The following L3MBTL1 variants were observed in gnomAD, a reference collection of about 807,000 sequenced individuals.
The protein encoded by L3MBTL1 is L3MBTL histone methyl-lysine binding protein 1.
L3MBTL1 carries 75 observed loss-of-function variants against 105.3 expected under a neutral mutation model. That is an observed-to-expected ratio of 0.71 (90% CI 0.59 to 0.86). The LOEUF (loss-of-function observed/expected upper bound fraction) is 0.86, where lower values mean the gene tolerates loss of function less well. Among genes scored for constraint, L3MBTL1 ranks in the 40% least tolerant of loss-of-function variants. The pLI is 0.00. For missense variants in L3MBTL1, 1,069 were observed against 1,126.4 expected (o/e 0.95, Z 0.73); for synonymous variants, 452 against 436.2 (o/e 1.04, Z -0.45).
chr20:43,512,305 C>A lies in L3MBTL1; in HGVS notation c.-28-1171C>A, dbSNP rs367555402. Among the ~76,000 whole-genome samples the A allele has an allele frequency of 2.6e-5, 4 of 152,258 alleles. 1 individual carries two copies. The highest frequency in any genetic ancestry group is 9.6e-5 in the African/African-American group (4 of 41,548). On this transcript the variant is annotated intron_variant, in intron 1 of 21. Coordinates refer to ENST00000418998, the MANE Select transcript of L3MBTL1 (RefSeq NM_001377303.1). Reference sequence around the variant, plus strand: ...CCTTCAGTGTGTTTTGGAGGTAGCACTGACAGGCCAATTTTAATACGTCTA... The same window carrying A: ...CCTTCAGTGTGTTTTGGAGGTAGCAATGACAGGCCAATTTTAATACGTCTA...
At chr20:43,530,966 C>A in intron 11 of L3MBTL1, 77 bp downstream of exon 11, 1 of 1,176,034 alleles carries the variant, frequency 8.5e-7, no homozygotes, top group Non-Finnish European at 1.2e-6. Flanking sequence ...GTATCTGACT[C>A]ATCAGAAGGG....
At chr20:43,515,228 G>T in intron 5 of L3MBTL1, 64 bp from the exon 6 acceptor site, 2 of 1,613,474 alleles carry the variant, frequency 1.2e-6, no homozygotes, top group Non-Finnish European at 1.7e-6. Context: ...CTGTTCAGGG[G>T]TTAGGAGAGG....
downstream of L3MBTL1, among the ~76,000 whole-genome samples, chr20:43,543,298 A>T (rs192483589): frequency 6.8e-3 from 1,030 of 152,306 alleles, 3 homozygotes; most frequent in Non-Finnish European, 0.011. Flanking sequence ...AACATGTTTT[A>T]TGAGAAGGCA....
intron 7 of L3MBTL1, among the ~76,000 whole-genome samples, 176 bp downstream of exon 7, chr20:43,516,353 A>C (rs1313613303): frequency 6.6e-6 from 1 of 152,178 alleles, no homozygotes; most frequent in Admixed American, 6.5e-5. Context: ...TTTGTGTATT[A>C]GTGTATGTAT....
chr20:43,530,309 A>C lies in L3MBTL1; in HGVS notation c.1082A>C (p.His361Pro), dbSNP rs759730289. ...AEVCGYRLRLHFDGYSECHDF... is the reference protein window; with the variant it reads ...AEVCGYRLRLPFDGYSECHDF... ...GTATGTGGCTATCGCCTACGCCTGCACTTTGATGGGTATTCTGAGTGCCAT... is the reference window on the plus strand; with the variant it reads ...GTATGTGGCTATCGCCTACGCCTGCCCTTTGATGGGTATTCTGAGTGCCAT... Residue 361 changes from histidine to proline, a missense_variant, in exon 10 of 22, where the codon CAC (histidine) becomes CCC (proline). By Grantham distance (77) the His-to-Pro change is moderately conservative. Coordinates refer to ENST00000418998, the MANE Select transcript of L3MBTL1 (RefSeq NM_001377303.1). 112 of 1,613,896 alleles carry C rather than the reference A, an allele frequency of 6.9e-5. No individual in the cohort carries two copies. The highest frequency in any genetic ancestry group is 8.8e-5 in the Non-Finnish European group (104 of 1,180,012).
Position 43,515,294 on chromosome 20 carries a change from C to A in L3MBTL1, c.656C>A (p.Ser219Ter). Reference protein sequence around the residue: ...DGCPQLFQERSVIVENSSGST... With the variant: ...DGCPQLFQER ...CCCTAAGGCTGGCCCTTCCTCAGGT[C>A]AGTCATAGTGGAGAACTCCTCAGGC... Residue 219 changes from serine (S) to a stop codon, truncating the protein, a stop_gained and splice_region_variant, in exon 6 of 22, where the codon TCA becomes TAA. Coordinates refer to ENST00000418998, the MANE Select transcript of L3MBTL1 (RefSeq NM_001377303.1). LOFTEE classifies it high-confidence loss of function. The A allele has an allele frequency of 6.2e-7, 1 of 1,606,830 alleles. No individual in the cohort carries two copies. The highest frequency in any genetic ancestry group is 1.1e-5 in the South Asian group (1 of 90,026).
chr20:43,517,167 T>C (rs933262499), intron 7 of L3MBTL1, among the ~76,000 whole-genome samples: 2 of 152,024 alleles, frequency 1.3e-5, no homozygotes, highest in South Asian at 4.2e-4. Context: ...AGCGCCATCT[T>C]GGCTCATTGC....
chr20:43,530,494 G>T, intron 10 of L3MBTL1, 75 bp downstream of exon 10: 1 of 1,503,298 alleles, frequency 6.7e-7, no homozygotes, highest in Non-Finnish European at 9.0e-7. Context: ...TGGGTCCCCG[G>T]CTTCCAGCTC....
intron 19 of L3MBTL1, 193 bp from the exon 20 acceptor site, chr20:43,539,958 T>C: frequency 1.5e-6 from 1 of 665,014 alleles, no homozygotes; most frequent in Non-Finnish European, 2.7e-6. Flanking sequence ...AGAGTCACTT[T>C]ACCAGCAGGA....
At chr20:43,532,720 G>C (rs1330987573) in intron 11 of L3MBTL1, 53 bp from the exon 12 acceptor site, 1 of 1,605,368 alleles carries the variant, frequency 6.2e-7, no homozygotes, top group Non-Finnish European at 8.5e-7. Flanking sequence ...TGGGCTCTGG[G>C]CTGGTCTTAG....
At chr20:43,526,809 T>C (rs2019057251) in intron 7 of L3MBTL1, among the ~76,000 whole-genome samples, 2 of 152,108 alleles carry the variant, frequency 1.3e-5, no homozygotes, top group South Asian at 2.1e-4. Context: ...AAAATAGCCA[T>C]GTGTAGTGGT....
exon 19 of L3MBTL1, chr20:43,550,531 A>G (rs1031915417): frequency 2.6e-5 from 4 of 152,232 alleles, no homozygotes; most frequent in East Asian, 3.9e-4. Context: ...TCTGTCCCCA[A>G]ATGATATTAT....
At chr20:43,515,197 T>G in intron 5 of L3MBTL1, 38 bp downstream of exon 5, 1 of 1,614,056 alleles carries the variant, frequency 6.2e-7, no homozygotes, top group Non-Finnish European at 8.5e-7. Context: ...TGCTCTACCT[T>G]CAGCCCCCAA....
chr20:43,513,879 G>A lies in L3MBTL1; in HGVS notation c.178G>A (p.Val60Met). The A allele has an allele frequency of 6.4e-7, 1 of 1,550,652 alleles. No homozygotes were observed. Among genetic ancestry groups the A allele is most frequent in the Non-Finnish European group, 8.7e-7 (1 of 1,147,002 alleles). ...TLGLPSSALD[V>M]SCFPREPIHV... ...CGGCCTGCCCAGCAGTGCCCTGGAT[G>A]TGTCTTGCTTTCCCCGGGAGCCAAT... Residue 60 changes from valine (V) to methionine (M), a missense_variant, in exon 3 of 22, where the codon GTG becomes ATG. By Grantham distance (21) the Val-to-Met change is conservative (BLOSUM62 1). Transcript: ENST00000418998.
intron 1 of L3MBTL1, among the ~76,000 whole-genome samples, chr20:43,508,337 C>T (rs1278149126): frequency 1.3e-5 from 2 of 152,220 alleles, no homozygotes; most frequent in Admixed American, 6.5e-5. Context: ...AGGCTGGTGG[C>T]GGGTCCCGAT....
At chr20:43,537,807 C>T (rs79616507) in intron 19 of L3MBTL1, among the ~76,000 whole-genome samples, 2,173 of 152,288 alleles carry the variant, frequency 0.014, 44 homozygotes, top group African/African-American at 0.05. Context: ...CCCAATTCTT[C>T]AAGAACAGTC....
rs139383336 is a variant in L3MBTL1 at position 43,534,618 on chromosome 20, C to T, written c.1711-210C>T. 6.6e-3 allele frequency: 3,998 copies of T among 609,452 alleles called. 15 individuals carry two copies. The highest frequency in any genetic ancestry group is 9.3e-3 in the Non-Finnish European group (3,218 of 344,380). The allele number at this position is 609,452 out of a possible 1,614,324, so 37.8% of individuals were successfully genotyped here. On this transcript the variant is annotated intron_variant, in intron 15 of 21. Coordinates refer to ENST00000418998, the MANE Select transcript of L3MBTL1 (RefSeq NM_001377303.1). ...AATGGGCCTAATAATCCTCGTCCCACCTAAGGATTGCCAGTGGGAGATGCC... is the reference window on the plus strand; with the variant it reads ...AATGGGCCTAATAATCCTCGTCCCATCTAAGGATTGCCAGTGGGAGATGCC...
At chr20:43,550,100 C>G (rs1226742836) in exon 19 of L3MBTL1, 1 of 152,108 alleles carries the variant, frequency 6.6e-6, no homozygotes, top group African/African-American at 2.4e-5. Context: ...CATTGGTACC[C>G]CCTTGGCCAA....
exon 19 of L3MBTL1, chr20:43,548,261 G>A (rs1978762259): frequency 7.7e-7 from 1 of 1,301,786 alleles, no homozygotes. Flanking sequence ...CCAGGGCTGG[G>A]CCCTCCTGCA....
Sources: gnomAD v4.1 joint callset for allele counts (sites outside exome capture counted in the v4.1 genomes callset) on GRCh38, gnomAD v4.1.1 for gene constraint, MANE v1.5 for transcripts, NCBI Gene and HGNC (gene_info 2026-07-23, HGNC 2026-07-21) for gene names.